HNRNPK: variants seen among roughly 807,000 people sequenced by gnomAD.
The protein encoded by HNRNPK is heterogeneous nuclear ribonucleoprotein K.
A neutral mutation model predicts 67.0 loss-of-function variants in HNRNPK; 7 were observed. That is an observed-to-expected ratio of 0.10 (90% CI 0.06 to 0.20). HNRNPK has a LOEUF of 0.20. Ranked by LOEUF, HNRNPK falls within the 10% of genes least tolerant of loss-of-function variation. HNRNPK has a pLI of 1.00. For missense variants in HNRNPK, 264 were observed against 606.5 expected (o/e 0.44, Z 5.93); for synonymous variants, 213 against 193.7 (o/e 1.10, Z -0.83).
intron 4 of HNRNPK, among the ~76,000 whole-genome samples, 192 bp from the exon 5 acceptor site, chr9:83,977,243 A>G (rs2133059716): frequency 6.6e-6 from 1 of 152,358 alleles, no homozygotes; most frequent in African/African-American, 2.4e-5. Context: ...TGTGAGGACT[A>G]GATAGTTTGG....
At chr9:83,979,104 C>G (rs915576972) in intron 1 of HNRNPK, among the ~76,000 whole-genome samples, 1 of 152,176 alleles carries the variant, frequency 6.6e-6, no homozygotes, top group African/African-American at 2.4e-5. Context: ...GCCTGTAACA[C>G]GAAAACTAAA....
intron 13 of HNRNPK, 119 bp downstream of exon 13, chr9:83,971,154 A>G (rs1305150335): frequency 3.5e-6 from 3 of 852,920 alleles, no homozygotes; most frequent in African/African-American, 1.7e-5. Context: ...TCAGGAAACC[A>G]AAGTCCTCCT....
chr9:83,971,306 G>T lies in HNRNPK; in HGVS notation c.1059C>A (p.Ser353Arg). ...ETWDSAIDTW[S>R]PSEWQMAYEP... ...CATAAGCCATCTGCCATTCTGATGG[G>T]CTCCATGTATCTATTGCAGAGTCCC... is the stretch of plus-strand genomic sequence containing the variant. The change falls in exon 13 of 17, where the codon AGC becomes AGA. Residue 353 changes from serine (S) to arginine (R), a missense_variant. Physicochemically the swap from Ser to Arg is moderately radical, Grantham distance 110. Transcript: ENST00000376263. 1 of 1,612,124 alleles carries T rather than the reference G, an allele frequency of 6.2e-7. No individual in the cohort carries two copies. Among genetic ancestry groups the T allele is most frequent in the Non-Finnish European group, 8.5e-7 (1 of 1,178,234 alleles).
At position 83,975,467 on chromosome 9, in the gene HNRNPK, G is replaced by A. The variant is rs770751592; in HGVS notation, c.252C>T (p.Pro84=). 16 of 1,613,910 alleles carry A rather than the reference G, an allele frequency of 9.9e-6. No homozygotes were observed. Among genetic ancestry groups the A allele is most frequent in the African/African-American group, 1.3e-5 (1 of 75,018 alleles). Reference sequence around the variant, plus strand: ...CATAAACTGTTGGGACATACCGCTCGGGGCCACTGCTGTCTGGGACTGAAA... The same window carrying A: ...CATAAACTGTTGGGACATACCGCTCAGGGCCACTGCTGTCTGGGACTGAAA... The part of the protein sequence containing the change: ...ASVSVPDSSG[P]ERILSISADI... The change falls in exon 6 of 17, where the codon CCC becomes CCT. Residue 84 remains proline, a synonymous_variant. Coordinates refer to ENST00000376263, the MANE Select transcript of HNRNPK (RefSeq NM_031263.4).
intron 15 of HNRNPK, 50 bp downstream of exon 15, chr9:83,970,687 A>T: frequency 8.9e-7 from 1 of 1,123,646 alleles, no homozygotes; most frequent in South Asian, 1.3e-5. Flanking sequence ...AGAAAGGAGG[A>T]ATAATCATAA....
At chr9:83,974,036 A>G in intron 7 of HNRNPK, 63 bp from the exon 8 acceptor site, 2 of 1,058,262 alleles carry the variant, frequency 1.9e-6, no homozygotes, top group Non-Finnish European at 2.9e-6. Flanking sequence ...ATTGTCGCAT[A>G]TATTGGTAAA....
chr9:83,979,729 T>TC (rs1055881402), intron 1 of HNRNPK, among the ~76,000 whole-genome samples: 5 of 61,320 alleles, frequency 8.2e-5, no homozygotes, highest in Non-Finnish European at 1.7e-4. Flanking sequence ...CCCCGCATCC[T>TC]CCCCCCACTG....
intron 6 of HNRNPK, 134 bp from the exon 7 acceptor site, chr9:83,974,723 G>C: frequency 3.2e-6 from 2 of 622,322 alleles, no homozygotes; most frequent in Middle Eastern, 5.5e-4. Flanking sequence ...ATTTAAAGTA[G>C]CCTATTTATA....
intron 16 of HNRNPK, 183 bp from the exon 17 acceptor site, chr9:83,969,623 G>A (rs745327923): frequency 1.6e-6 from 1 of 622,890 alleles, no homozygotes; most frequent in Non-Finnish European, 2.9e-6. Flanking sequence ...ATGATGAGTA[G>A]TAAATCGGAC....
chr9:83,971,593 A>C lies in HNRNPK; in HGVS notation c.1008+79T>G, dbSNP rs1367426139. 2.5e-5 allele frequency: 30 copies of C among 1,217,470 alleles called. No homozygotes were observed. The South Asian group carries it at 3.7e-4, about 15-fold the overall frequency. 75.4% of individuals were successfully genotyped at this position (1,217,470 alleles called of 1,614,324 possible). A position where few individuals can be genotyped will look rare whatever the true frequency, so the allele number is the denominator to read the frequency against. On this transcript the variant is annotated intron_variant, in intron 12 of 16. Transcript: ENST00000376263. ...TTGTAAGAAAAACTTTTTAATCACT[A>C]TAACCTTCAACAAAACGTGAACTAC...
At chr9:83,972,250 T>A in intron 10 of HNRNPK, 61 bp from the exon 11 acceptor site, 1 of 1,230,914 alleles carries the variant, frequency 8.1e-7, no homozygotes, top group South Asian at 1.5e-5. Context: ...TTCATACCAA[T>A]CCTTCTAACA....
chr9:83,969,533 A>G (rs1956726205), intron 16 of HNRNPK, 93 bp from the exon 17 acceptor site: 1 of 795,712 alleles, frequency 1.3e-6, no homozygotes, highest in East Asian at 2.4e-5. Flanking sequence ...AATTAAAATG[A>G]TAAACACGTC....
chr9:83,970,964 C>T (rs764001747), intron 13 of HNRNPK, 52 bp from the exon 14 acceptor site: 33 of 1,551,782 alleles, frequency 2.1e-5, no homozygotes, highest in Middle Eastern at 1.8e-4. Context: ...GTAATTACTA[C>T]CGGTACTTTA....
In HNRNPK at chr9:83,968,928, T is replaced by C. The variant is rs1277406985; in HGVS notation, c.*479A>G. ...CAAAAATAGGTTCACTAAATTTATT[T>C]TAAAAATCATAAAACGTTTCTTACA... is the stretch of plus-strand genomic sequence containing the variant. On this transcript the variant is annotated 3_prime_UTR_variant, in exon 17 of 17. Coordinates refer to ENST00000376263, the MANE Select transcript of HNRNPK (RefSeq NM_031263.4). The C allele has an allele frequency of 1.3e-5, 2 of 158,658 alleles. No individual in the cohort carries two copies. Among genetic ancestry groups the C allele is most frequent in the Admixed American group, 1.3e-4 (2 of 15,476 alleles). The allele number at this position is 158,658 out of a possible 1,614,324, so 9.8% of individuals were successfully genotyped here. A position where few individuals can be genotyped will look rare whatever the true frequency, so the allele number is the denominator to read the frequency against.
chr9:83,974,052 T>A (rs568883250), intron 7 of HNRNPK, 79 bp from the exon 8 acceptor site: 5 of 823,604 alleles, frequency 6.1e-6, no homozygotes, highest in Non-Finnish European at 4.0e-6. Flanking sequence ...GTAAAGCTAC[T>A]ACAACATATT....
In HNRNPK at chr9:83,980,203, C is replaced by G. The variant is rs1029094603; in HGVS notation, c.-158G>C. ...GCCGCGCCGCCTCAGCCGGTCGGAG[C>G]TAGACAGAAAACGAGCGCAGGCTCC... On this transcript the variant is annotated 5_prime_UTR_variant, in exon 1 of 17. Coordinates refer to ENST00000376263, the MANE Select transcript of HNRNPK (RefSeq NM_031263.4). The G allele has an allele frequency of 6.6e-6, 1 of 152,464 alleles. No homozygotes were observed. The highest frequency in any genetic ancestry group is 2.4e-5 in the African/African-American group (1 of 41,454). 9.4% of individuals were successfully genotyped at this position (152,464 alleles called of 1,614,324 possible). A position where few individuals can be genotyped will look rare whatever the true frequency, so the allele number is the denominator to read the frequency against.
Position 83,971,700 on chromosome 9 carries a change from C to G in HNRNPK, c.980G>C (p.Gly327Ala). The change falls in exon 12 of 17, where the codon GGG becomes GCG. Residue 327 changes from glycine (G) to alanine (A), a missense_variant. Physicochemically the swap from Gly to Ala is moderately conservative, Grantham distance 60. Coordinates refer to ENST00000376263, the MANE Select transcript of HNRNPK (RefSeq NM_031263.4). ...GGDLMAYDRR[G>A]RPGDRYDGMV... The stretch of plus-strand genomic sequence containing the variant: ...GCCGTCGTAACGGTCTCCAGGTCTC[C>G]CTCTTCTGTCATAGGCCATGAGGTC... 6.2e-7 allele frequency: 1 copy of G among 1,614,002 alleles called. No homozygotes were observed. The highest frequency in any genetic ancestry group is 8.5e-7 in the Non-Finnish European group (1 of 1,179,860).
chr9:83,974,398 T>C (rs2133044910), intron 7 of HNRNPK, 119 bp downstream of exon 7: 1 of 535,776 alleles, frequency 1.9e-6, no homozygotes, highest in African/African-American at 1.9e-5. Context: ...CAGGTTAAGA[T>C]ACTGCTACAA....
In HNRNPK at chr9:83,972,814, C is replaced by A; in HGVS notation, c.645+30G>T. On this transcript the variant is annotated intron_variant, in intron 10 of 16. Transcript: ENST00000376263. ...AGGTTATCACTTTGTTTCATAAAAT[C>A]AAATGTAAACAAAAAGTGTTCTGAA... 2.0e-6 allele frequency: 3 copies of A among 1,534,198 alleles called. No individual in the cohort carries two copies. In the South Asian group the frequency reaches 3.7e-5, roughly 19 times the overall value.
Sources: gnomAD v4.1 joint callset for allele counts (sites outside exome capture counted in the v4.1 genomes callset) on GRCh38, gnomAD v4.1.1 for gene constraint, MANE v1.5 for transcripts, NCBI Gene and HGNC (gene_info 2026-07-23, HGNC 2026-07-21) for gene names.